Variants in DTNB observed in about 807,000 individuals in gnomAD.
DTNB encodes the protein dystrobrevin beta.
In DTNB, 63 loss-of-function variants were observed where a neutral mutation model predicts 90.7. The ratio of observed to expected loss-of-function variants is 0.69; its 90% CI spans 0.57 to 0.86. The LOEUF (loss-of-function observed/expected upper bound fraction) is 0.86. DTNB is among the 40% of genes least tolerant of loss of function. The probability of loss-of-function intolerance (pLI) is 0.00; values close to 1 mark genes in which losing one functional copy is unlikely to be tolerated. For missense variants in DTNB, 744 were observed against 807.1 expected (o/e 0.92, Z 0.95); for synonymous variants, 277 against 286.7 (o/e 0.97, Z 0.34).
At chr2:25,643,391 T>C (rs1458573423) in intron 2 of DTNB, among the ~76,000 whole-genome samples, 1 of 152,246 alleles carries the variant, frequency 6.6e-6, no homozygotes, top group Non-Finnish European at 1.5e-5. Flanking sequence ...GACCATTTGT[T>C]GTTGTTTCTG....
intron 9 of DTNB, among the ~76,000 whole-genome samples, chr2:25,499,821 G>A (rs990029564): frequency 6.6e-6 from 1 of 152,126 alleles, no homozygotes; most frequent in Non-Finnish European, 1.5e-5. Flanking sequence ...GAACACACTG[G>A]TTGCTCAACA....
At chr2:25,457,926 C>T (rs1331086567) in intron 10 of DTNB, among the ~76,000 whole-genome samples, 5 of 152,054 alleles carry the variant, frequency 3.3e-5, no homozygotes, top group African/African-American at 4.8e-5. Flanking sequence ...CTCTGCCTCC[C>T]GGGTTCAAGC....
chr2:25,609,605 A>AAC (rs2067986404), intron 4 of DTNB, among the ~76,000 whole-genome samples: 1 of 151,024 alleles, frequency 6.6e-6, no homozygotes, highest in African/African-American at 2.4e-5. Flanking sequence ...CAAAAAAAAA[A>AAC]AAAAAACTTG....
At chr2:25,414,257 T>G (rs2047326291) in intron 16 of DTNB, among the ~76,000 whole-genome samples, 1 of 152,162 alleles carries the variant, frequency 6.6e-6, no homozygotes, top group African/African-American at 2.4e-5. Context: ...AGTTTTTTTT[T>G]GTTTGTTTGT....
intron 8 of DTNB, among the ~76,000 whole-genome samples, chr2:25,547,515 G>A (rs1313447390): frequency 5.3e-5 from 8 of 151,890 alleles, no homozygotes; most frequent in Admixed American, 5.3e-4. Flanking sequence ...TGGAGACGAG[G>A]TTTCACCACG....
chr2:25,637,862 T>C (rs1007230002), intron 3 of DTNB, among the ~76,000 whole-genome samples: 1 of 152,192 alleles, frequency 6.6e-6, no homozygotes, highest in African/African-American at 2.4e-5. Context: ...TTACTGGGTA[T>C]ATACCCAAAG....
At chr2:25,669,229 T>C (rs1434246157) in intron 1 of DTNB, among the ~76,000 whole-genome samples, 3 of 152,186 alleles carry the variant, frequency 2.0e-5, no homozygotes, top group Non-Finnish European at 2.9e-5. Context: ...TATTTCATGC[T>C]ACAGAACTGT....
rs1179596539 is a variant in DTNB at position 25,434,399 on chromosome 2, C to CTTTTTT, written c.1258-410_1258-405dup. ...AATTCATGTTTTTCCATGAACTAGT[C>CTTTTTT]TTTTTTTTTTTTTTTTTTTTTTGAG... On this transcript the variant is annotated intron_variant, in intron 12 of 20. Coordinates refer to ENST00000406818, the MANE Select transcript of DTNB (RefSeq NM_021907.5). 6.7e-4 allele frequency among the ~76,000 whole-genome samples: 64 copies of CTTTTTT among 95,496 alleles called. 1 individual carries two copies. The highest frequency in any genetic ancestry group is 2.1e-3 in the East Asian group (6 of 2,924). The allele number at this position is 95,496 out of a possible 152,430, so 62.6% of individuals were successfully genotyped here.
intron 8 of DTNB, among the ~76,000 whole-genome samples, chr2:25,571,602 G>T (rs1259572047): frequency 6.6e-6 from 1 of 152,026 alleles, no homozygotes; most frequent in Non-Finnish European, 1.5e-5. Context: ...TTCTCAACAA[G>T]GCCTATATGA....
intron 16 of DTNB, among the ~76,000 whole-genome samples, chr2:25,408,822 A>G (rs1427225985): frequency 6.6e-6 from 1 of 152,182 alleles, no homozygotes; most frequent in East Asian, 1.9e-4. Context: ...GGAACATCAG[A>G]ACCAACCTGA....
intron 2 of DTNB, among the ~76,000 whole-genome samples, chr2:25,650,587 G>T (rs1307168754): frequency 1.3e-5 from 2 of 152,354 alleles, no homozygotes; most frequent in East Asian, 3.9e-4. Context: ...GGCCAGAAGG[G>T]CCTTGTTTGG....
At chr2:25,453,813 C>T (rs2059616636) in intron 11 of DTNB, among the ~76,000 whole-genome samples, 1 of 152,094 alleles carries the variant, frequency 6.6e-6, no homozygotes, top group African/African-American at 2.4e-5. Context: ...TCCTTCCCTC[C>T]TAGAGGGTAA....
chr2:25,408,454 G>A (rs933593413), intron 16 of DTNB, among the ~76,000 whole-genome samples: 2 of 145,314 alleles, frequency 1.4e-5, no homozygotes, highest in Admixed American at 7.1e-5. Flanking sequence ...CAGGAGAATC[G>A]CTGGAACCCA....
chr2:25,627,897 C>T (rs1054966955), intron 4 of DTNB, among the ~76,000 whole-genome samples: 23 of 151,964 alleles, frequency 1.5e-4, no homozygotes, highest in Admixed American at 3.3e-4. Context: ...CCACCACGCC[C>T]GGCTAATTTT....
At position 25,458,947 on chromosome 2, in the gene DTNB, A is replaced by T. The variant is rs1251354028; in HGVS notation, c.1080-3453T>A. Among the ~76,000 whole-genome samples the T allele has an allele frequency of 2.0e-5, 3 of 151,824 alleles. No individual in the cohort carries two copies. The East Asian group carries it at 5.8e-4, about 29-fold the overall frequency. ...GGCATGAGCCACCATGCCCAGCTCT[A>T]ATTTTTAAATCTTTTGTAGAGACAG... is the stretch of plus-strand genomic sequence containing the variant. On this transcript the variant is annotated intron_variant, in intron 10 of 20. Transcript: ENST00000406818.
At chr2:25,638,168 T>C (rs1355858046) in intron 3 of DTNB, among the ~76,000 whole-genome samples, 5 of 152,080 alleles carry the variant, frequency 3.3e-5, no homozygotes, top group Non-Finnish European at 5.9e-5. Flanking sequence ...ATGAGAACAC[T>C]TGGACACAGG....
chr2:25,580,891 T>C, intron 6 of DTNB, 65 bp from the exon 7 acceptor site: 1 of 1,421,598 alleles, frequency 7.0e-7, no homozygotes, highest in Non-Finnish European at 9.6e-7. Flanking sequence ...CCAAGTTTAA[T>C]TTAGGATTTT....
At chr2:25,415,558 C>T (rs2047701672) in intron 16 of DTNB, among the ~76,000 whole-genome samples, 1 of 152,024 alleles carries the variant, frequency 6.6e-6, no homozygotes, top group Admixed American at 6.6e-5. Flanking sequence ...TGGATAGCTT[C>T]AGGATGGGGA....
chr2:25,558,469 A>G (rs1290550709), intron 8 of DTNB: 2 of 942,730 alleles, frequency 2.1e-6, no homozygotes, highest in Non-Finnish European at 1.3e-6. Context: ...GATGACTGCC[A>G]CAGGAAATTG....
Sources: gnomAD v4.1 joint callset for allele counts (sites outside exome capture counted in the v4.1 genomes callset) on GRCh38, gnomAD v4.1.1 for gene constraint, MANE v1.5 for transcripts, NCBI Gene and HGNC (gene_info 2026-07-23, HGNC 2026-07-21) for gene names.